Variants in DOCK5 observed in about 807,000 individuals in gnomAD.
DOCK5 encodes the protein dedicator of cytokinesis 5.
In DOCK5, 142 loss-of-function variants were observed where a neutral mutation model predicts 251.8. The observed-to-expected ratio is 0.56, with a 90% confidence interval of 0.49 to 0.65. The LOEUF (loss-of-function observed/expected upper bound fraction) is 0.65, where lower values mean the gene tolerates loss of function less well. Among genes scored for constraint, DOCK5 ranks in the 30% least tolerant of loss-of-function variants. The pLI, the probability that DOCK5 is intolerant of heterozygous loss-of-function variation, is 0.00. For synonymous variants in DOCK5, 842 were observed against 835.5 expected (o/e 1.01, Z -0.13); for missense variants, 2,111 against 2,312.3 (o/e 0.91, Z 1.79).
At chr8:25,325,268 C>T (rs889245325) in intron 17 of DOCK5, 96 bp from the exon 18 acceptor site, 28 of 1,324,452 alleles carry the variant, frequency 2.1e-5, no homozygotes, top group African/African-American at 8.8e-5. Context: ...GATAAGTCCA[C>T]GCTTCTCATG....
intron 38 of DOCK5, among the ~76,000 whole-genome samples, chr8:25,379,460 G>A (rs576311628): frequency 2.4e-4 from 37 of 152,158 alleles, no homozygotes; most frequent in South Asian, 1.9e-3. Flanking sequence ...GCCCGACCCC[G>A]CAGGCAGTCA....
chr8:25,293,936 G>A (rs779533294), intron 6 of DOCK5, among the ~76,000 whole-genome samples: 33 of 152,160 alleles, frequency 2.2e-4, no homozygotes, highest in Non-Finnish European at 4.4e-4. Flanking sequence ...CTCAGGAGGT[G>A]GAGGTTGCGG....
chr8:25,349,574 T>C (rs1334139477), intron 26 of DOCK5, among the ~76,000 whole-genome samples: 1 of 152,198 alleles, frequency 6.6e-6, no homozygotes, highest in African/African-American at 2.4e-5. Context: ...TCATGGAATA[T>C]TACTCACTCA....
chr8:25,284,553 C>T (rs2666163), intron 5 of DOCK5, among the ~76,000 whole-genome samples: 100,982 of 152,034 alleles, frequency 0.66, 36,798 homozygotes, highest in Non-Finnish European at 0.83. Context: ...ATTTTCTATC[C>T]ACTATTCTTC....
At chr8:25,227,632 T>C (rs965865233) in intron 1 of DOCK5, among the ~76,000 whole-genome samples, 3 of 152,202 alleles carry the variant, frequency 2.0e-5, no homozygotes, top group Non-Finnish European at 4.4e-5. Flanking sequence ...TTCCTTCTTA[T>C]GACGTTTTAA....
chr8:25,269,999 C>T (rs1803864513), intron 3 of DOCK5, among the ~76,000 whole-genome samples: 1 of 152,180 alleles, frequency 6.6e-6, no homozygotes, highest in Non-Finnish European at 1.5e-5. Flanking sequence ...TCATTAGAAA[C>T]CAGGACTGCT....
Position 25,374,564 on chromosome 8 carries a change from A to G in DOCK5, c.3726A>G (p.Arg1242=), listed in dbSNP as rs140250895. The G allele has an allele frequency of 1.1e-5, 18 of 1,597,328 alleles. No individual in the cohort carries two copies. The highest frequency in any genetic ancestry group is 1.4e-5 in the Non-Finnish European group (17 of 1,174,854). ...TGCTTCCTTCTCCCCTTCTTGCCAG[A>G]TATCTGTACAAGCTTCGAGATTTGC... ...KEKKREDIYI[R]YLYKLRDLHR... is the part of the protein sequence containing the mutation. Residue 1242 remains arginine, a splice_region_variant and synonymous_variant, in exon 37 of 52, where the codon AGA becomes AGG. Transcript: ENST00000276440.
At chr8:25,239,319 A>G (rs1054908538) in intron 1 of DOCK5, among the ~76,000 whole-genome samples, 20 of 131,056 alleles carry the variant, frequency 1.5e-4, no homozygotes, top group East Asian at 6.3e-4. Context: ...GTGCGTGTAT[A>G]TGTGTGTGTG....
At chr8:25,360,513 AAC>A (rs1800658293) in intron 28 of DOCK5, among the ~76,000 whole-genome samples, 1 of 152,106 alleles carries the variant, frequency 6.6e-6, no homozygotes, top group East Asian at 1.9e-4. Flanking sequence ...CAGGCCTTAG[AAC>A]ACGCAGCTCT....
chr8:25,349,476 T>C (rs1017147404), intron 26 of DOCK5, among the ~76,000 whole-genome samples: 12 of 152,232 alleles, frequency 7.9e-5, no homozygotes, highest in African/African-American at 2.9e-4. Flanking sequence ...CGTGCATGTT[T>C]ATAGCAGCAC....
At position 25,278,704 on chromosome 8, in the gene DOCK5, C is replaced by T. The variant is rs752811419; in HGVS notation, c.321+39C>T. The T allele has an allele frequency of 2.2e-5, 35 of 1,593,834 alleles. No homozygotes were observed. In the Admixed American group the frequency reaches 4.8e-4, roughly 22 times the overall value. On this transcript the variant is annotated intron_variant, in intron 5 of 51. Coordinates refer to ENST00000276440, the MANE Select transcript of DOCK5 (RefSeq NM_024940.8). The stretch of plus-strand genomic sequence containing the variant: ...TGTGGCTTGGAGCCCCAGGGTCACT[C>T]TGGGTCCTCAGCCTGTAGGTCCTTT...
At position 25,376,029 on chromosome 8, in the gene DOCK5, C is replaced by T. The variant is rs536549765; in HGVS notation, c.3817-1276C>T. On this transcript the variant is annotated intron_variant, in intron 37 of 51. Coordinates refer to ENST00000276440, the MANE Select transcript of DOCK5 (RefSeq NM_024940.8). ...AGGAGAATCATTTGAACCTGCAAGG[C>T]GGAGGTTTGCAGTATGCTGAGATGG... 4.2e-5 allele frequency: 38 copies of T among 915,256 alleles called. 1 individual carries two copies. The East Asian group carries it at 3.2e-3, about 77-fold the overall frequency. The allele number at this position is 915,256 out of a possible 1,614,324, so 56.7% of individuals were successfully genotyped here.
intron 43 of DOCK5, among the ~76,000 whole-genome samples, chr8:25,392,235 C>T (rs1376232653): frequency 5.4e-5 from 8 of 148,628 alleles, no homozygotes; most frequent in East Asian, 2.0e-4. Flanking sequence ...ACCCAGGAGG[C>T]GGAGGTTGCA....
chr8:25,337,361 T>C (rs887440025), intron 22 of DOCK5, among the ~76,000 whole-genome samples: 1 of 152,010 alleles, frequency 6.6e-6, no homozygotes, highest in African/African-American at 2.4e-5. Flanking sequence ...AATGGAGATA[T>C]AAATTCTTCA....
chr8:25,260,713 A>G (rs8180938), intron 2 of DOCK5, among the ~76,000 whole-genome samples: 1 of 152,160 alleles, frequency 6.6e-6, no homozygotes, highest in Non-Finnish European at 1.5e-5. Flanking sequence ...GTTTTCATGT[A>G]TAATGAATGA....
At chr8:25,313,278 T>C (rs1333899916) in intron 13 of DOCK5, among the ~76,000 whole-genome samples, 1 of 152,144 alleles carries the variant, frequency 6.6e-6, no homozygotes, top group Non-Finnish European at 1.5e-5. Flanking sequence ...TGTTCTCACC[T>C]CTGCCAGCCC....
chr8:25,358,914 A>G (rs1033510391), intron 27 of DOCK5, 49 bp from the exon 28 acceptor site: 10 of 1,531,832 alleles, frequency 6.5e-6, no homozygotes, highest in African/African-American at 1.4e-5. Context: ...TGTTTTTGTC[A>G]GTTGGTGGTC....
intron 1 of DOCK5, among the ~76,000 whole-genome samples, chr8:25,189,079 C>G (rs1315681490): frequency 7.1e-6 from 1 of 141,770 alleles, no homozygotes; most frequent in Non-Finnish European, 1.5e-5. Flanking sequence ...GACAGGGCCT[C>G]ACTCCACAGC....
intron 48 of DOCK5, among the ~76,000 whole-genome samples, chr8:25,405,663 G>C (rs182822455): frequency 2.6e-5 from 4 of 152,006 alleles, no homozygotes; most frequent in Admixed American, 6.6e-5. Flanking sequence ...GAATCCTATT[G>C]CTATTTTTAT....
Sources: allele counts gnomAD v4.1 joint callset (sites outside exome capture counted in the v4.1 genomes callset), GRCh38; gene constraint gnomAD v4.1.1; transcripts MANE v1.5; gene names NCBI Gene and HGNC (gene_info 2026-07-23, HGNC 2026-07-21).